Variants in WDFY2 observed in about 807,000 individuals in gnomAD.
WDFY2 encodes the protein WD repeat and FYVE domain containing 2.
Under a neutral mutation model 56.4 loss-of-function variants are expected in WDFY2, and 36 were observed. The observed-to-expected ratio is 0.64, with a 90% CI of 0.49 to 0.84. WDFY2 has a LOEUF of 0.84. WDFY2 is among the 40% of genes least tolerant of loss of function. The probability of loss-of-function intolerance (pLI) is 0.00; values close to 1 mark genes in which losing one functional copy is unlikely to be tolerated. For missense variants in WDFY2, 444 were observed against 512.2 expected (o/e 0.87, Z 1.29); for synonymous variants, 176 against 183.7 (o/e 0.96, Z 0.34).
chr13:51,712,315 G>A (rs530779363), intron 4 of WDFY2, among the ~76,000 whole-genome samples: 1 of 152,232 alleles, frequency 6.6e-6, no homozygotes, highest in Non-Finnish European at 1.5e-5. Context: ...GGGGAGCGGG[G>A]AGGGATAACA....
chr13:51,600,724 G>A (rs2050298028), intron 1 of WDFY2, among the ~76,000 whole-genome samples: 1 of 152,094 alleles, frequency 6.6e-6, no homozygotes, highest in South Asian at 2.1e-4. Flanking sequence ...AAGGGAGGAG[G>A]GGCATGTCTC....
At chr13:51,730,157 G>A (rs146446320) in intron 6 of WDFY2, among the ~76,000 whole-genome samples, 11 of 152,260 alleles carry the variant, frequency 7.2e-5, no homozygotes, top group East Asian at 5.8e-4. Flanking sequence ...GCAAACAATC[G>A]TGTTTCTTAA....
intron 2 of WDFY2, among the ~76,000 whole-genome samples, chr13:51,671,861 G>A (rs1267867734): frequency 7.5e-6 from 1 of 133,472 alleles, no homozygotes; most frequent in Non-Finnish European, 1.5e-5. Context: ...TCAGCTTACT[G>A]CAACCTCTGC....
intron 6 of WDFY2, among the ~76,000 whole-genome samples, chr13:51,735,745 G>A (rs1952820416): frequency 6.6e-6 from 1 of 152,098 alleles, no homozygotes; most frequent in African/African-American, 2.4e-5. Flanking sequence ...TCATTTATAG[G>A]CCAACTTTCA....
At chr13:51,645,038 A>G (rs1400899353) in intron 1 of WDFY2, among the ~76,000 whole-genome samples, 1 of 152,206 alleles carries the variant, frequency 6.6e-6, no homozygotes, top group African/African-American at 2.4e-5. Flanking sequence ...TATTACAAGT[A>G]ATTAAAGAAA....
At chr13:51,672,386 T>G (rs147886213) in intron 2 of WDFY2, among the ~76,000 whole-genome samples, 14 of 152,274 alleles carry the variant, frequency 9.2e-5, no homozygotes, top group Admixed American at 3.3e-4. Flanking sequence ...TGGGTTCTGT[T>G]TCCTGCTCTA....
At chr13:51,705,045 G>A (rs188856629) in intron 4 of WDFY2, among the ~76,000 whole-genome samples, 5 of 152,286 alleles carry the variant, frequency 3.3e-5, no homozygotes, top group Non-Finnish European at 7.3e-5. Context: ...TGCCCACTCT[G>A]TGCTTTTGTG....
chr13:51,709,359 G>GA (rs769058601), intron 4 of WDFY2, among the ~76,000 whole-genome samples: 13 of 152,172 alleles, frequency 8.5e-5, no homozygotes, highest in Non-Finnish European at 2.9e-5. Flanking sequence ...ATTAATAACA[G>GA]AAAAATCTCT....
chr13:51,674,938 C>T (rs1240496765), intron 2 of WDFY2, among the ~76,000 whole-genome samples: 1 of 152,158 alleles, frequency 6.6e-6, no homozygotes, highest in African/African-American at 2.4e-5. Flanking sequence ...CCCCTTGGAA[C>T]TTGCCCAGTT....
intron 1 of WDFY2, chr13:51,599,502 C>A: frequency 6.5e-6 from 1 of 154,824 alleles, no homozygotes. Context: ...AAACAGTTGA[C>A]TGACTAAATG....
intron 1 of WDFY2, among the ~76,000 whole-genome samples, chr13:51,653,445 G>A (rs1955444605): frequency 1.3e-5 from 2 of 152,178 alleles, no homozygotes; most frequent in South Asian, 2.1e-4. Context: ...TTGCTGGTGA[G>A]GAGCTGCGTT....
chr13:51,660,523 G>GT, intron 1 of WDFY2, 73 bp from the exon 2 acceptor site: 1 of 1,458,350 alleles, frequency 6.9e-7, no homozygotes, highest in Non-Finnish European at 9.6e-7. Context: ...TAAGAGATTT[G>GT]TTTTCTATGT....
chr13:51,625,327 C>T (rs1282293093), intron 1 of WDFY2, among the ~76,000 whole-genome samples: 1 of 152,172 alleles, frequency 6.6e-6, no homozygotes, highest in African/African-American at 2.4e-5. Context: ...GCATGGTTTC[C>T]TCCTCACTTA....
intron 1 of WDFY2, among the ~76,000 whole-genome samples, chr13:51,599,951 AGT>A (rs1954235764): frequency 6.6e-6 from 1 of 151,684 alleles, no homozygotes; most frequent in Non-Finnish European, 1.5e-5. Context: ...TGGGGCTTGC[AGT>A]GCTTGCATGT....
chr13:51,655,546 T>G (rs983277138), intron 1 of WDFY2, among the ~76,000 whole-genome samples: 1 of 152,162 alleles, frequency 6.6e-6, no homozygotes, highest in Non-Finnish European at 1.5e-5. Flanking sequence ...TCACACTCAG[T>G]CATGGTATAT....
At chr13:51,588,889 G>A (rs1341846597) in intron 1 of WDFY2, 1 of 152,200 alleles carries the variant, frequency 6.6e-6, no homozygotes, top group Non-Finnish European at 1.5e-5. Flanking sequence ...AAAAAGGCCT[G>A]TGTTGGTGGT....
chr13:51,585,723 C>G (rs895698872), intron 1 of WDFY2, among the ~76,000 whole-genome samples: 1 of 152,190 alleles, frequency 6.6e-6, no homozygotes, highest in Non-Finnish European at 1.5e-5. Context: ...CAAAAGAACA[C>G]TGTAGAGGTA....
At chr13:51,666,629 G>A (rs1955706101) in intron 2 of WDFY2, among the ~76,000 whole-genome samples, 1 of 152,078 alleles carries the variant, frequency 6.6e-6, no homozygotes, top group South Asian at 2.1e-4. Flanking sequence ...CTAGGACCTG[G>A]TACTTTGTCA....
intron 7 of WDFY2, among the ~76,000 whole-genome samples, chr13:51,739,801 G>A (rs888300512): frequency 3.3e-5 from 5 of 152,162 alleles, no homozygotes; most frequent in African/African-American, 7.2e-5. Flanking sequence ...TCTGGTTGCC[G>A]TCCAGAGCGG....
Sources: allele counts gnomAD v4.1 joint callset (sites outside exome capture counted in the v4.1 genomes callset), GRCh38; gene constraint gnomAD v4.1.1; transcripts MANE v1.5; gene names NCBI Gene and HGNC (gene_info 2026-07-23, HGNC 2026-07-21).